TTC7A: variants seen among roughly 807,000 people sequenced by gnomAD.
TTC7A encodes the protein tetratricopeptide repeat protein 7A.
A neutral mutation model predicts 103.7 loss-of-function variants in TTC7A; 110 were observed. The observed-to-expected ratio is 1.06, with a 90% confidence interval of 0.91 to 1.24. TTC7A has a LOEUF of 1.24. Ranked by LOEUF, TTC7A falls within the 50% of genes most tolerant of loss-of-function variation. TTC7A has a pLI of 0.00. For synonymous variants in TTC7A, 521 were observed against 467.9 expected (o/e 1.11, Z -1.47); for missense variants, 1,340 against 1,116.3 (o/e 1.20, Z -2.86).
chr2:46,975,002 A>C lies in TTC7A; in HGVS notation c.547A>C (p.Ile183Leu). The C allele has an allele frequency of 6.2e-7, 1 of 1,613,854 alleles. No homozygotes were observed. Among genetic ancestry groups the C allele is most frequent in the Non-Finnish European group, 8.5e-7 (1 of 1,179,866 alleles). The change falls in exon 4 of 20, where the codon ATC (isoleucine) becomes CTC (leucine). Residue 183 changes from isoleucine (I) to leucine (L), a missense_variant. Ile to Leu is a conservative substitution (Grantham distance 5, BLOSUM62 2). Transcript: ENST00000319190. ...CTCTCTGGAACGCCTACCCAACTCC[A>C]TCGCCTCCCGCTTCCGCCTGACAGA... Reference protein sequence around the residue: ...GLSLERLPNSIASRFRLTERE... With the variant: ...GLSLERLPNSLASRFRLTERE...
In TTC7A at chr2:47,005,950, T is replaced by G. The variant is rs558187503; in HGVS notation, c.1094T>G (p.Val365Gly). Residue 365 changes from valine (V) to glycine (G), a missense_variant, in exon 9 of 20, where the codon GTG becomes GGG. By Grantham distance (109) the Val-to-Gly change is moderately radical (BLOSUM62 -3). Coordinates refer to ENST00000319190, the MANE Select transcript of TTC7A (RefSeq NM_020458.4). The stretch of plus-strand genomic sequence containing the variant: ...ACTCGAGATGTGGTGCTGAGCCGGG[T>G]GCCGGAGCAGGAGGAGGACCGGACA... ...MATRDVVLSR[V>G]PEQEEDRTVS... 14 of 1,614,002 alleles carry G rather than the reference T, an allele frequency of 8.7e-6. 1 individual carries two copies. The highest frequency in any genetic ancestry group is 1.6e-4 in the Middle Eastern group (1 of 6,062).
intron 3 of TTC7A, among the ~76,000 whole-genome samples, chr2:46,970,480 G>A (rs1673258415): frequency 6.6e-6 from 1 of 152,238 alleles, no homozygotes; most frequent in Non-Finnish European, 1.5e-5. Context: ...CTAGCCAGTA[G>A]CTGGCATCAC....
At chr2:46,964,098 A>C (rs942076399) in intron 3 of TTC7A, among the ~76,000 whole-genome samples, 11 of 152,218 alleles carry the variant, frequency 7.2e-5, no homozygotes, top group African/African-American at 1.9e-4. Flanking sequence ...GGCTGTGGAC[A>C]TCGCTCTCTC....
chr2:46,980,637 C>A (rs972162456), intron 5 of TTC7A, among the ~76,000 whole-genome samples: 1 of 152,296 alleles, frequency 6.6e-6, no homozygotes, highest in Middle Eastern at 3.4e-3. Flanking sequence ...TGATGCTAAC[C>A]GTCAGGCTTG....
intron 18 of TTC7A, among the ~76,000 whole-genome samples, chr2:47,056,727 G>A (rs1683349860): frequency 6.6e-6 from 1 of 152,208 alleles, no homozygotes; most frequent in African/African-American, 2.4e-5. Context: ...AGGGGGTGGA[G>A]AGAGATGGAG....
chr2:46,950,643 C>T, intron 2 of TTC7A, 117 bp downstream of exon 2: 1 of 1,174,808 alleles, frequency 8.5e-7, no homozygotes, highest in Non-Finnish European at 1.2e-6. Flanking sequence ...TTACAAGCTG[C>T]CCTTGCACTT....
intron 16 of TTC7A, among the ~76,000 whole-genome samples, chr2:47,048,144 C>T (rs1163498298): frequency 6.6e-6 from 1 of 152,240 alleles, no homozygotes; most frequent in Non-Finnish European, 1.5e-5. Context: ...TGTCCAGATG[C>T]CCCTCCTTCA....
intron 2 of TTC7A, 69 bp downstream of exon 2, chr2:46,950,595 T>C: frequency 6.6e-7 from 1 of 1,522,996 alleles, no homozygotes; most frequent in Non-Finnish European, 8.9e-7. Context: ...TGTCCAGTCC[T>C]CCCTGAGTCA....
Position 47,017,412 on chromosome 2 carries a change from C to G in TTC7A, c.1393-4450C>G, listed in dbSNP as rs554206975. Among the ~76,000 whole-genome samples the G allele has an allele frequency of 7.9e-5, 12 of 151,692 alleles. No homozygotes were observed. The South Asian group carries it at 2.3e-3, about 29-fold the overall frequency. On this transcript the variant is annotated intron_variant, in intron 11 of 19. Transcript: ENST00000319190. ...GTCAGCCTGGTGCAATGGTGCGTGC[C>G]TGTGGTCCCAACTACTTGGGAGGCT...
chr2:47,076,093 T>A lies in TTC7A; in HGVS notation c.*2170T>A, dbSNP rs1685184895. The A allele has an allele frequency of 6.6e-6, 1 of 152,208 alleles. No homozygotes were observed. Among genetic ancestry groups the A allele is most frequent in the South Asian group, 2.1e-4 (1 of 4,836 alleles). The allele number at this position is 152,208 out of a possible 1,614,324, so 9.4% of individuals were successfully genotyped here. A position where few individuals can be genotyped will look rare whatever the true frequency, so the allele number is the denominator to read the frequency against. On this transcript the variant is annotated 3_prime_UTR_variant, in exon 20 of 20. Coordinates refer to ENST00000319190, the MANE Select transcript of TTC7A (RefSeq NM_020458.4). ...GCCACATACCAACGTACTGTGGATA[T>A]TATAACCTGCATTAAAACAACTCTA... is the stretch of plus-strand genomic sequence containing the variant.
chr2:46,987,565 C>T (rs892409451), intron 5 of TTC7A, among the ~76,000 whole-genome samples: 6 of 152,180 alleles, frequency 3.9e-5, no homozygotes, highest in Non-Finnish European at 5.9e-5. Context: ...CCCTTCCTTC[C>T]GCCTAGACCT....
chr2:46,966,797 T>C (rs1233738732), intron 3 of TTC7A, among the ~76,000 whole-genome samples: 1 of 151,842 alleles, frequency 6.6e-6, no homozygotes, highest in Non-Finnish European at 1.5e-5. Context: ...CAGCTTTTTT[T>C]TTTTTTTTTC....
At chr2:46,929,575 G>T (rs1209060916) in intron 2 of TTC7A, among the ~76,000 whole-genome samples, 7 of 152,172 alleles carry the variant, frequency 4.6e-5, no homozygotes, top group African/African-American at 1.4e-4. Flanking sequence ...AAAAATTTTT[G>T]AACTGAATGT....
chr2:47,072,733 C>T (rs572991415), intron 19 of TTC7A, among the ~76,000 whole-genome samples: 1 of 152,200 alleles, frequency 6.6e-6, no homozygotes, highest in African/African-American at 2.4e-5. Flanking sequence ...GCTGTCATCT[C>T]ATGCCACCCT....
At chr2:47,024,088 C>T (rs979226387) in intron 13 of TTC7A, among the ~76,000 whole-genome samples, 199 bp from the exon 14 acceptor site, 4 of 152,220 alleles carry the variant, frequency 2.6e-5, no homozygotes, top group African/African-American at 7.2e-5. Flanking sequence ...GGCCCACCGT[C>T]CCTGCCTTGG....
intron 18 of TTC7A, among the ~76,000 whole-genome samples, chr2:47,059,728 G>A (rs965135148): frequency 6.6e-6 from 1 of 152,116 alleles, no homozygotes; most frequent in African/African-American, 2.4e-5. Flanking sequence ...CTCAGGGGAC[G>A]CCACATCCCC....
upstream of TTC7A, among the ~76,000 whole-genome samples, chr2:46,936,257 C>T (rs147987245): frequency 6.6e-5 from 10 of 152,248 alleles, no homozygotes; most frequent in East Asian, 1.9e-3. Context: ...TACTACTTGT[C>T]TGTGTTCATC....
At chr2:46,939,800 C>A (rs1019784815), upstream of TTC7A, among the ~76,000 whole-genome samples, 3 of 152,168 alleles carry the variant, frequency 2.0e-5, no homozygotes, top group Non-Finnish European at 4.4e-5. Context: ...CAAAGGCAGC[C>A]AAAGGGTAAC....
intron 2 of TTC7A, among the ~76,000 whole-genome samples, chr2:46,954,593 A>T (rs1671686294): frequency 6.9e-6 from 1 of 144,100 alleles, no homozygotes. Flanking sequence ...TTTTGAGACA[A>T]CGGAGTCTCG....
Sources: gnomAD v4.1 joint callset for allele counts (sites outside exome capture counted in the v4.1 genomes callset) on GRCh38, gnomAD v4.1.1 for gene constraint, MANE v1.5 for transcripts, NCBI Gene and HGNC (gene_info 2026-07-23, HGNC 2026-07-21) for gene names.